The following BTAF1 variants were observed in gnomAD, a reference collection of about 807,000 sequenced individuals.
The protein encoded by BTAF1 is B-TFIID TATA-box binding protein associated factor 1, also known as TATA-binding protein-associated factor 172.
Under a neutral mutation model 227.1 loss-of-function variants are expected in BTAF1, and 38 were observed. That is an observed-to-expected ratio of 0.17 (90% CI 0.13 to 0.22). The LOEUF (loss-of-function observed/expected upper bound fraction) is 0.22. BTAF1 is among the 10% of genes least tolerant of loss of function. BTAF1 has a pLI of 1.00. For synonymous variants in BTAF1, 742 were observed against 751.9 expected (o/e 0.99, Z 0.21); for missense variants, 1,598 against 2,204.0 (o/e 0.73, Z 5.51).
chr10:91,935,908 G>A, intron 2 of BTAF1, 128 bp downstream of exon 2: 1 of 955,028 alleles, frequency 1.0e-6, no homozygotes, highest in Non-Finnish European at 1.4e-6. Context: ...TTTTTTTCTG[G>A]TCACAAGACT....
rs1021384664 is a variant in BTAF1 at position 92,030,041 on chromosome 10, G to A, written c.*1108G>A. 1.1e-4 allele frequency: 17 copies of A among 152,368 alleles called. No homozygotes were observed. The highest frequency in any genetic ancestry group is 4.6e-4 in the Admixed American group (7 of 15,244). 9.4% of individuals were successfully genotyped at this position (152,368 alleles called of 1,614,324 possible). A position where few individuals can be genotyped will look rare whatever the true frequency, so the allele number is the denominator to read the frequency against. On this transcript the variant is annotated 3_prime_UTR_variant, in exon 38 of 38. Transcript: ENST00000265990. ...GTATATATAATTTTATAAGTTTCACGCATAAATTAATACATGCCTGTGTGC... is the reference window on the plus strand; with the variant it reads ...GTATATATAATTTTATAAGTTTCACACATAAATTAATACATGCCTGTGTGC...
At chr10:91,927,220 C>T (rs1366577864) in intron 1 of BTAF1, among the ~76,000 whole-genome samples, 2 of 151,746 alleles carry the variant, frequency 1.3e-5, no homozygotes, top group African/African-American at 2.4e-5. Flanking sequence ...CTCACCATAA[C>T]CTCCACCTCC....
intron 14 of BTAF1, among the ~76,000 whole-genome samples, chr10:91,977,998 G>A (rs747021264): frequency 2.0e-5 from 3 of 152,002 alleles, no homozygotes; most frequent in Admixed American, 6.6e-5. Flanking sequence ...TACAATCAGC[G>A]AACCTGCATT....
chr10:91,993,212 TA>T (rs1848918362), intron 21 of BTAF1, among the ~76,000 whole-genome samples: 1 of 152,208 alleles, frequency 6.6e-6, no homozygotes, highest in Non-Finnish European at 1.5e-5. Context: ...TTTAAAAATA[TA>T]AATATCTTTT....
chr10:91,998,874 A>G (rs2134059930), intron 25 of BTAF1, among the ~76,000 whole-genome samples: 1 of 152,092 alleles, frequency 6.6e-6, no homozygotes, highest in Middle Eastern at 3.4e-3. Flanking sequence ...AACTGAAAAT[A>G]CAAAATGGTG....
chr10:91,963,455 G>A (rs1273069424), intron 12 of BTAF1, among the ~76,000 whole-genome samples: 1 of 152,020 alleles, frequency 6.6e-6, no homozygotes, highest in African/African-American at 2.4e-5. Context: ...TGTAGTGATG[G>A]GGGAGTCCCC....
intron 19 of BTAF1, among the ~76,000 whole-genome samples, chr10:91,986,289 A>G (rs1253855349): frequency 6.6e-6 from 1 of 152,108 alleles, no homozygotes; most frequent in East Asian, 1.9e-4. Flanking sequence ...TATCTGGGCC[A>G]TTTGTTCAAT....
At position 91,992,230 on chromosome 10, in the gene BTAF1, C is replaced by CT. The variant is rs1435469677; in HGVS notation, c.2967dup (p.Thr990TyrfsTer17). 6.2e-7 allele frequency: 1 copy of CT among 1,613,792 alleles called. No homozygotes were observed. The highest frequency in any genetic ancestry group is 1.7e-5 in the Admixed American group (1 of 59,986). On this transcript the variant is annotated frameshift_variant, in exon 21 of 38. Coordinates refer to ENST00000265990, the MANE Select transcript of BTAF1 (RefSeq NM_003972.3). LOFTEE classifies it high-confidence loss of function. ...TTTGCTATCACAAGTAGGCGAGGTC[C>CT]TACCCCCAAAGCAGTAAAAGCTCAA...
chr10:91,950,153 G>GA (rs1564666030), intron 4 of BTAF1, among the ~76,000 whole-genome samples: 4 of 89,968 alleles, frequency 4.4e-5, no homozygotes, highest in Admixed American at 1.2e-4. Context: ...CTTTGTGGGG[G>GA]GGGGCGGGAA....
chr10:91,935,459 T>A (rs551792017), intron 1 of BTAF1, among the ~76,000 whole-genome samples, 198 bp from the exon 2 acceptor site: 1 of 152,312 alleles, frequency 6.6e-6, no homozygotes, highest in African/African-American at 2.4e-5. Context: ...GATCGACTTT[T>A]TAGCTTCCAT....
At chr10:92,025,866 A>G (rs1851476420) in intron 35 of BTAF1, among the ~76,000 whole-genome samples, 2 of 151,742 alleles carry the variant, frequency 1.3e-5, no homozygotes, top group African/African-American at 2.4e-5. Flanking sequence ...GGCACAATAA[A>G]GTTAGAGACC....
intron 9 of BTAF1, 42 bp from the exon 10 acceptor site, chr10:91,959,743 T>G (rs759499381): frequency 2.7e-5 from 1 of 36,600 alleles, no homozygotes; most frequent in Non-Finnish European, 3.7e-5. Context: ...TGTGTGTGTA[T>G]ATATATATAT....
chr10:91,943,806 G>T (rs1387575061), intron 4 of BTAF1, among the ~76,000 whole-genome samples: 1 of 152,056 alleles, frequency 6.6e-6, no homozygotes, highest in Non-Finnish European at 1.5e-5. Flanking sequence ...TTTTGGTTTT[G>T]CCATATTCTT....
At chr10:92,024,428 T>C (rs1851345410) in intron 34 of BTAF1, among the ~76,000 whole-genome samples, 1 of 152,178 alleles carries the variant, frequency 6.6e-6, no homozygotes. Context: ...CTCATGCCTA[T>C]AATCCTTGCA....
chr10:92,014,007 A>C lies in BTAF1; in HGVS notation c.4562A>C (p.Tyr1521Ser), dbSNP rs770476411. 8 of 1,612,878 alleles carry C rather than the reference A, an allele frequency of 5.0e-6. No homozygotes were observed. Among genetic ancestry groups the C allele is most frequent in the Non-Finnish European group, 1.7e-6 (2 of 1,179,654 alleles). Residue 1521 changes from tyrosine (Y) to serine (S), a missense_variant, in exon 32 of 38, where the codon TAT (tyrosine) becomes TCT (serine). Around this residue, in one of 10 missense-constraint regions of BTAF1, gnomAD observed 205 missense variants for 244.5 expected, o/e 0.84. Coordinates refer to ENST00000265990, the MANE Select transcript of BTAF1 (RefSeq NM_003972.3). ...CCACCTAAAATTATTCAAGACTATTATTGTACTCTTAGTCCTCTCCAGGTT... is the reference window on the plus strand; with the variant it reads ...CCACCTAAAATTATTCAAGACTATTCTTGTACTCTTAGTCCTCTCCAGGTT... ...DLPPKIIQDY[Y>S]CTLSPLQVQL...
intron 33 of BTAF1, among the ~76,000 whole-genome samples, chr10:92,016,987 G>A (rs1017182149): frequency 6.6e-5 from 10 of 152,038 alleles, no homozygotes; most frequent in Admixed American, 6.6e-5. Flanking sequence ...ATGAAAAGAA[G>A]GGCTTTAGAA....
chr10:92,024,728 T>G, intron 34 of BTAF1, 28 bp from the exon 35 acceptor site: 2 of 1,503,238 alleles, frequency 1.3e-6, no homozygotes, highest in Non-Finnish European at 1.8e-6. Flanking sequence ...TGAACGCTTA[T>G]GTAGTTTTTT....
chr10:91,997,891 C>G (rs1849247233), intron 25 of BTAF1, 140 bp downstream of exon 25: 1 of 782,426 alleles, frequency 1.3e-6, no homozygotes, highest in African/African-American at 1.8e-5. Context: ...GGTGGATCAT[C>G]TGAGGTCAGG....
chr10:92,030,258 G>C lies in BTAF1; in HGVS notation c.*1325G>C, dbSNP rs1174423836. 1 of 152,388 alleles carries C rather than the reference G, an allele frequency of 6.6e-6. No individual in the cohort carries two copies. Among genetic ancestry groups the C allele is most frequent in the Non-Finnish European group, 1.5e-5 (1 of 67,944 alleles). The allele number at this position is 152,388 out of a possible 1,614,324, so 9.4% of individuals were successfully genotyped here. On this transcript the variant is annotated 3_prime_UTR_variant, in exon 38 of 38. Coordinates refer to ENST00000265990, the MANE Select transcript of BTAF1 (RefSeq NM_003972.3). ...ACATTTGTCACATTTCATTAGCTTT[G>C]ACAACCATACTGTAACATTAAACCT...
Sources: gnomAD v4.1 joint callset for allele counts (sites outside exome capture counted in the v4.1 genomes callset) on GRCh38, gnomAD v4.1.1 for gene constraint, gnomAD v4.1.1 regional missense constraint, MANE v1.5 for transcripts, NCBI Gene and HGNC (gene_info 2026-07-23, HGNC 2026-07-21) for gene names.